Variants in FRRS1 observed in about 807,000 individuals in gnomAD.
FRRS1 encodes the protein ferric chelate reductase 1.
In FRRS1, 51 loss-of-function variants were observed where a neutral mutation model predicts 70.7. The observed-to-expected ratio is 0.72, with a 90% CI of 0.58 to 0.91. The LOEUF (loss-of-function observed/expected upper bound fraction) is 0.91. FRRS1 is among the 40% of genes least tolerant of loss of function. The pLI, the probability that FRRS1 is intolerant of heterozygous loss-of-function variation, is 0.00. For synonymous variants in FRRS1, 225 were observed against 238.7 expected (o/e 0.94, Z 0.53); for missense variants, 672 against 726.0 (o/e 0.93, Z 0.86).
At chr1:99,736,768 C>CTCA (rs1655688442) in intron 7 of FRRS1, among the ~76,000 whole-genome samples, 1 of 80,240 alleles carries the variant, frequency 1.2e-5, no homozygotes, top group African/African-American at 1.4e-4. Flanking sequence ...TTAAAGTGTA[C>CTCA]TAATAATAAA....
At chr1:99,729,922 T>C (rs1027720767) in intron 7 of FRRS1, among the ~76,000 whole-genome samples, 174 bp from the exon 8 acceptor site, 3 of 152,170 alleles carry the variant, frequency 2.0e-5, no homozygotes, top group Admixed American at 2.0e-4. Context: ...GATTTGCGAA[T>C]AGCAAATAAT....
intron 9 of FRRS1, among the ~76,000 whole-genome samples, chr1:99,727,507 A>G (rs957499578): frequency 1.3e-5 from 2 of 152,272 alleles, no homozygotes; most frequent in East Asian, 3.8e-4. Context: ...AAATTTTAAC[A>G]TTGAGCAGAT....
rs577536951 is a variant in FRRS1, at chr1:99,748,620, T to A, written c.149A>T (p.Asp50Val). 12 of 1,613,980 alleles carry A rather than the reference T, an allele frequency of 7.4e-6. No homozygotes were observed. Among genetic ancestry groups the A allele is most frequent in the Non-Finnish European group, 9.3e-6 (11 of 1,179,962 alleles). Residue 50 changes from aspartate (D) to valine (V), a missense_variant, in exon 3 of 17, where the codon GAC becomes GTC. By Grantham distance (152) the Asp-to-Val change is radical. Coordinates refer to ENST00000646001, the MANE Select transcript of FRRS1 (RefSeq NM_001361041.2). ...GAATGTCATCTGACTCACGTAAATG[T>A]CATGAACAGGAACAGACTGTGGACT... ...GHSPQSVPVH[D>V]IYVSQMTFRP...
intron 9 of FRRS1, among the ~76,000 whole-genome samples, chr1:99,724,347 T>C (rs978730923): frequency 6.6e-6 from 1 of 152,238 alleles, no homozygotes; most frequent in African/African-American, 2.4e-5. Context: ...AATTGGTAGA[T>C]TTCCTCATTG....
At chr1:99,711,700 C>T (rs1028892377) in intron 14 of FRRS1, among the ~76,000 whole-genome samples, 1 of 152,072 alleles carries the variant, frequency 6.6e-6, no homozygotes, top group African/African-American at 2.4e-5. Context: ...CTTTTGAAAA[C>T]CACCCTGCCC....
At chr1:99,752,235 C>T (rs1656605157) in intron 1 of FRRS1, among the ~76,000 whole-genome samples, 1 of 152,222 alleles carries the variant, frequency 6.6e-6, no homozygotes, top group African/African-American at 2.4e-5. Flanking sequence ...GCATTTACAA[C>T]TTGGCTGACT....
At chr1:99,713,843 G>C (rs1654389544) in intron 12 of FRRS1, among the ~76,000 whole-genome samples, 1 of 152,180 alleles carries the variant, frequency 6.6e-6, no homozygotes, top group Admixed American at 6.5e-5. Context: ...ATGGCATAAA[G>C]AGTGCTATGG....
intron 1 of FRRS1, among the ~76,000 whole-genome samples, chr1:99,758,212 T>C (rs1656937642): frequency 2.0e-5 from 3 of 152,268 alleles, no homozygotes; most frequent in Admixed American, 6.5e-5. Context: ...CTTTTATCTG[T>C]AGCTCTCTGC....
At chr1:99,761,421 C>T (rs189957976) in intron 1 of FRRS1, among the ~76,000 whole-genome samples, 1 of 152,330 alleles carries the variant, frequency 6.6e-6, no homozygotes, top group African/African-American at 2.4e-5. Context: ...GCCACCTCAC[C>T]TGACCAATTT....
intron 8 of FRRS1, 102 bp downstream of exon 8, chr1:99,729,548 T>C: frequency 2.9e-6 from 2 of 701,444 alleles, no homozygotes; most frequent in Admixed American, 2.2e-5. Context: ...TAGGTGGAAC[T>C]GTGGGGGTTG....
At chr1:99,754,415 G>A (rs987608520) in intron 1 of FRRS1, among the ~76,000 whole-genome samples, 1 of 151,944 alleles carries the variant, frequency 6.6e-6, no homozygotes, top group Non-Finnish European at 1.5e-5. Context: ...GGAGTTCAAG[G>A]TTGCAATTAG....
At chr1:99,754,374 G>A (rs10875254) in intron 1 of FRRS1, among the ~76,000 whole-genome samples, 75,189 of 152,056 alleles carry the variant, frequency 0.49, 22,611 homozygotes, top group African/African-American at 0.85. Flanking sequence ...AGCTACTCAA[G>A]AGGCTTAGGA....
At chr1:99,722,695 C>G (rs1489134073) in intron 9 of FRRS1, among the ~76,000 whole-genome samples, 1 of 152,136 alleles carries the variant, frequency 6.6e-6, no homozygotes, top group Non-Finnish European at 1.5e-5. Flanking sequence ...AATATTTCCT[C>G]AACACCATAA....
chr1:99,730,642 C>T lies in FRRS1; in HGVS notation c.760-894G>A, dbSNP rs184848022. ...CAGCACTTTGGGAGGCCAAGGCGGGCAGATCACGAGGTCAGGAGATCCAGA... is the reference window on the plus strand; with the variant it reads ...CAGCACTTTGGGAGGCCAAGGCGGGTAGATCACGAGGTCAGGAGATCCAGA... On this transcript the variant is annotated intron_variant, in intron 7 of 16. Transcript: ENST00000646001. Among the ~76,000 whole-genome samples, 542 of 152,148 alleles carry T rather than the reference C, an allele frequency of 3.6e-3. 13 individuals carry two copies. Among genetic ancestry groups the T allele is most frequent in the Non-Finnish European group, 2.9e-3 (196 of 68,008 alleles).
At position 99,740,814 on chromosome 1, in the gene FRRS1, G is replaced by C. The variant is rs751501823; in HGVS notation, c.555C>G (p.Pro185=). ...TTACTGGTTTGGTTAAGTGGGAAAC[G>C]GGAGGTAACGTTGGCAAAGGTACTA... is the stretch of plus-strand genomic sequence containing the variant. ...ATVVPLPTLP[P]VSHLTKPFSA... is the part of the protein sequence containing the mutation. Residue 185 remains proline (P), a synonymous_variant, in exon 6 of 17, where the codon CCC becomes CCG. Transcript: ENST00000646001. The C allele has an allele frequency of 2.5e-6, 4 of 1,611,708 alleles. No individual in the cohort carries two copies. The South Asian group carries it at 4.4e-5, about 18-fold the overall frequency.
At position 99,714,247 on chromosome 1, in the gene FRRS1, G is replaced by A. The variant is rs193014639; in HGVS notation, c.1323+1339C>T. Among the ~76,000 whole-genome samples, 243 of 150,982 alleles carry A rather than the reference G, an allele frequency of 1.6e-3. 3 individuals are homozygous for A. The highest frequency in any genetic ancestry group is 2.1e-3 in the East Asian group (11 of 5,138). Reference sequence around the variant, plus strand: ...CACCCAAGCTGGAGTGCAGTGGTGCGATCTCAGCTCACTGCAACCTCCGCC... The same window carrying A: ...CACCCAAGCTGGAGTGCAGTGGTGCAATCTCAGCTCACTGCAACCTCCGCC... On this transcript the variant is annotated intron_variant, in intron 12 of 16. Transcript: ENST00000646001.
At chr1:99,761,105 T>C (rs1415613335) in intron 1 of FRRS1, among the ~76,000 whole-genome samples, 4 of 151,876 alleles carry the variant, frequency 2.6e-5, no homozygotes, top group Non-Finnish European at 5.9e-5. Flanking sequence ...CAAGTAATCT[T>C]TCAATTTTCT....
intron 12 of FRRS1, among the ~76,000 whole-genome samples, chr1:99,714,493 T>TA (rs1054631976): frequency 7.9e-5 from 12 of 151,536 alleles, no homozygotes; most frequent in South Asian, 6.3e-4. Context: ...GGTTTACATT[T>TA]AAAAAAAAAT....
intron 1 of FRRS1, among the ~76,000 whole-genome samples, chr1:99,753,249 G>A (rs896551251): frequency 4.0e-5 from 6 of 150,672 alleles, no homozygotes; most frequent in East Asian, 2.0e-4. Context: ...GGCTGGGTGC[G>A]GTGGCTCATG....
Sources: gnomAD v4.1 joint callset for allele counts (sites outside exome capture counted in the v4.1 genomes callset) on GRCh38, gnomAD v4.1.1 for gene constraint, MANE v1.5 for transcripts, NCBI Gene and HGNC (gene_info 2026-07-23, HGNC 2026-07-21) for gene names.